Variants in KCNN2 observed in about 807,000 individuals in gnomAD.
KCNN2 encodes potassium calcium-activated channel subfamily N member 2, also known as small conductance calcium-activated potassium channel protein 2.
KCNN2 carries 24 observed loss-of-function variants against 55.5 expected under a neutral mutation model. The observed-to-expected ratio is 0.43, with a 90% CI of 0.31 to 0.61. The LOEUF is 0.61. Among genes scored for constraint, KCNN2 ranks in the 20% least tolerant of loss-of-function variants. The pLI is 0.08. For synonymous variants in KCNN2, 431 were observed against 336.1 expected (o/e 1.28, Z -3.09); for missense variants, 754 against 853.6 (o/e 0.88, Z 1.45).
intron 1 of KCNN2, among the ~76,000 whole-genome samples, chr5:114,173,005 G>A (rs1753068230): frequency 6.6e-6 from 1 of 151,720 alleles, no homozygotes; most frequent in African/African-American, 2.4e-5. Flanking sequence ...AGAAATCTTT[G>A]CCCAGACCAA....
intron 2 of KCNN2, among the ~76,000 whole-genome samples, chr5:114,261,550 T>G (rs757199509): frequency 2.4e-4 from 36 of 152,124 alleles, no homozygotes; most frequent in Non-Finnish European, 4.9e-4. Context: ...TTACCACACT[T>G]AAGGGAACAG....
intron 3 of KCNN2, among the ~76,000 whole-genome samples, chr5:114,458,637 AT>A (rs1397898864): frequency 6.6e-6 from 1 of 152,174 alleles, no homozygotes; most frequent in Non-Finnish European, 1.5e-5. Context: ...TATAATTTCG[AT>A]TCTAAGGGTA....
At position 114,362,688 on chromosome 5, in the gene KCNN2, GCAC is replaced by G. The variant is rs902486279; in HGVS notation, c.563_565del (p.His188del). 107 of 1,451,528 alleles carry G rather than the reference GCAC, an allele frequency of 7.4e-5. No individual in the cohort carries two copies. Among genetic ancestry groups the G allele is most frequent in the Admixed American group, 1.9e-4 (7 of 36,912 alleles). The allele number at this position is 1,451,528 out of a possible 1,614,324, so 89.9% of individuals were successfully genotyped here. A position where few individuals can be genotyped will look rare whatever the true frequency, so the allele number is the denominator to read the frequency against. On this transcript the variant is annotated inframe_deletion, in exon 1 of 8. Coordinates refer to ENST00000673685, the MANE Select transcript of KCNN2 (RefSeq NM_021614.4). ...GTCTGGGCTCCGGGCCCCCGCTCTC[GCAC>G]CACCACCACCACCCGCACCCGGCGC... is the stretch of plus-strand genomic sequence containing the variant.
chr5:114,234,665 G>A (rs572314339), intron 2 of KCNN2, among the ~76,000 whole-genome samples: 8 of 152,262 alleles, frequency 5.3e-5, no homozygotes, highest in African/African-American at 1.9e-4. Flanking sequence ...TCAGGTATAT[G>A]TGTGTAAACG....
At chr5:114,333,239 C>T (rs1756859534) in intron 2 of KCNN2, among the ~76,000 whole-genome samples, 1 of 152,150 alleles carries the variant, frequency 6.6e-6, no homozygotes, top group Non-Finnish European at 1.5e-5. Context: ...CATGGCAAAC[C>T]TGCCACCAAA....
At chr5:114,076,070 A>G (rs780380342) in intron 1 of KCNN2, among the ~76,000 whole-genome samples, 10 of 152,258 alleles carry the variant, frequency 6.6e-5, no homozygotes, top group Non-Finnish European at 1.3e-4. Flanking sequence ...AATAACTAAT[A>G]TGCCCTGATA....
chr5:114,139,931 A>G (rs1752242450), intron 1 of KCNN2, among the ~76,000 whole-genome samples: 1 of 152,058 alleles, frequency 6.6e-6, no homozygotes, highest in African/African-American at 2.4e-5. Context: ...CCAAAATAAC[A>G]TATTTAAACA....
intron 1 of KCNN2, among the ~76,000 whole-genome samples, chr5:114,189,293 C>T (rs959359353): frequency 6.6e-6 from 1 of 152,026 alleles, no homozygotes; most frequent in Middle Eastern, 3.2e-3. Context: ...TGTACAAAGG[C>T]CTGAGAACAA....
chr5:114,084,882 T>C (rs1176781966), intron 1 of KCNN2, among the ~76,000 whole-genome samples: 1 of 151,980 alleles, frequency 6.6e-6, no homozygotes, highest in Non-Finnish European at 1.5e-5. Context: ...TTTTTGCATG[T>C]CCATTTGTTC....
At chr5:114,353,233 G>A (rs990382800) in intron 2 of KCNN2, among the ~76,000 whole-genome samples, 6 of 151,322 alleles carry the variant, frequency 4.0e-5, no homozygotes, top group Middle Eastern at 3.4e-3. Flanking sequence ...TTGTTTGCAT[G>A]GTATAACAGA....
At chr5:114,460,472 G>A (rs183531472) in intron 3 of KCNN2, among the ~76,000 whole-genome samples, 40 of 152,184 alleles carry the variant, frequency 2.6e-4, no homozygotes, top group Middle Eastern at 3.4e-3. Flanking sequence ...CCGAACTCCT[G>A]ACCTCAGGAG....
At chr5:114,376,450 A>T (rs1296285364) in intron 2 of KCNN2, among the ~76,000 whole-genome samples, 3 of 152,168 alleles carry the variant, frequency 2.0e-5, no homozygotes, top group African/African-American at 7.2e-5. Context: ...GGGTGAGCAG[A>T]AGCCTCACCT....
intron 2 of KCNN2, among the ~76,000 whole-genome samples, chr5:114,226,154 A>T (rs549090288): frequency 9.8e-4 from 149 of 152,086 alleles, no homozygotes; most frequent in Middle Eastern, 3.4e-3. Context: ...ACATTTAATT[A>T]AAAAAAATAC....
At chr5:114,105,649 A>G (rs1463667871) in intron 1 of KCNN2, among the ~76,000 whole-genome samples, 1 of 152,052 alleles carries the variant, frequency 6.6e-6, no homozygotes, top group Non-Finnish European at 1.5e-5. Flanking sequence ...CATTATTTTG[A>G]TGCCAAAATA....
At position 114,075,436 on chromosome 5, in the gene KCNN2, C is replaced by T. The variant is rs1750665672; in HGVS notation, c.-271+18936C>T. ...TTCCAATTTCTCTTTGATCTGAAGA[C>T]TCACAAATTTCATTTCTCATTGAAA... is the stretch of plus-strand genomic sequence containing the variant. On this transcript the variant is annotated intron_variant, in intron 1 of 10. Coordinates refer to the KCNN2 transcript ENST00000512097. Among the ~76,000 whole-genome samples the T allele has an allele frequency of 2.6e-5, 4 of 152,210 alleles. No homozygotes were observed. In the South Asian group the frequency reaches 8.3e-4, roughly 31 times the overall value.
At chr5:114,470,615 A>G (rs1228216745) in intron 4 of KCNN2, among the ~76,000 whole-genome samples, 1 of 152,202 alleles carries the variant, frequency 6.6e-6, no homozygotes, top group Non-Finnish European at 1.5e-5. Context: ...CTTTTCTTTC[A>G]TTAGTACCCA....
At chr5:114,269,861 G>A (rs918257443) in intron 2 of KCNN2, among the ~76,000 whole-genome samples, 1 of 152,198 alleles carries the variant, frequency 6.6e-6, no homozygotes, top group Non-Finnish European at 1.5e-5. Flanking sequence ...CCAGAGGAAT[G>A]TCTGCATATT....
chr5:114,393,155 C>T (rs1758505230), intron 2 of KCNN2, among the ~76,000 whole-genome samples: 1 of 152,030 alleles, frequency 6.6e-6, no homozygotes, highest in South Asian at 2.1e-4. Flanking sequence ...CCACATCAAA[C>T]ACTGAGAGGC....
At chr5:114,475,175 C>T (rs577069856) in intron 5 of KCNN2, among the ~76,000 whole-genome samples, 13 of 152,108 alleles carry the variant, frequency 8.5e-5, no homozygotes, top group African/African-American at 2.6e-4. Context: ...TGAAGTTCAC[C>T]GAGGTCAACC....
Sources: allele counts gnomAD v4.1 joint callset (sites outside exome capture counted in the v4.1 genomes callset), GRCh38; gene constraint gnomAD v4.1.1; transcripts MANE v1.5; gene names NCBI Gene and HGNC (gene_info 2026-07-23, HGNC 2026-07-21).